The following KCNH1 variants were observed in gnomAD, a reference collection of about 807,000 sequenced individuals.
KCNH1 encodes voltage-gated delayed rectifier potassium channel KCNH1.
KCNH1 carries 27 observed loss-of-function variants against 69.2 expected under a neutral mutation model. The observed-to-expected ratio is 0.39, with a 90% confidence interval of 0.29 to 0.54. The LOEUF is 0.54. Ranked by LOEUF, KCNH1 falls within the 20% of genes least tolerant of loss-of-function variation. The pLI, the probability that KCNH1 is intolerant of heterozygous loss-of-function variation, is 0.68. For synonymous variants in KCNH1, 456 were observed against 487.7 expected, an observed-to-expected ratio of 0.93 and a Z score of 0.86; for missense variants, 798 against 1,261.6, an observed-to-expected ratio of 0.63 and a Z score of 5.57.
At chr1:211,036,559 G>A (rs913932089) in intron 5 of KCNH1, among the ~76,000 whole-genome samples, 1 of 152,154 alleles carries the variant, frequency 6.6e-6, no homozygotes, top group Non-Finnish European at 1.5e-5. Flanking sequence ...TCCTCCAAAG[G>A]GAAGGAATCT....
intron 10 of KCNH1, among the ~76,000 whole-genome samples, chr1:210,751,477 C>T (rs1012818261): frequency 6.6e-6 from 1 of 152,116 alleles, no homozygotes; most frequent in African/African-American, 2.4e-5. Flanking sequence ...AGTAGGGCAA[C>T]CAATGATCCC....
chr1:211,023,411 C>T (rs557837176), intron 5 of KCNH1, among the ~76,000 whole-genome samples: 200 of 151,486 alleles, frequency 1.3e-3, no homozygotes, highest in African/African-American at 4.6e-3. Context: ...TGTCCATTGA[C>T]AGATGAATGG....
At chr1:210,761,458 T>TA (rs1357314797) in intron 10 of KCNH1, among the ~76,000 whole-genome samples, 1 of 151,774 alleles carries the variant, frequency 6.6e-6, no homozygotes, top group African/African-American at 2.4e-5. Flanking sequence ...CAAATTGGAT[T>TA]AAAAAAACAA....
At chr1:210,868,229 C>A (rs1306545609) in intron 7 of KCNH1, among the ~76,000 whole-genome samples, 2 of 151,930 alleles carry the variant, frequency 1.3e-5, no homozygotes, top group Non-Finnish European at 2.9e-5. Context: ...TTTCATGTGC[C>A]TTTGGCCATT....
intron 1 of KCNH1, among the ~76,000 whole-genome samples, chr1:211,116,100 C>A (rs1022242497): frequency 1.3e-4 from 20 of 152,012 alleles, no homozygotes; most frequent in African/African-American, 4.8e-4. Flanking sequence ...CATGCCACTG[C>A]AATCCAGCCT....
intron 10 of KCNH1, among the ~76,000 whole-genome samples, chr1:210,764,317 T>C (rs1448124832): frequency 6.6e-6 from 1 of 152,126 alleles, no homozygotes; most frequent in East Asian, 1.9e-4. Flanking sequence ...AGGCAAATAA[T>C]TTATGCTAAG....
At chr1:210,803,049 C>T (rs1366443310) in intron 8 of KCNH1, among the ~76,000 whole-genome samples, 1 of 152,148 alleles carries the variant, frequency 6.6e-6, no homozygotes, top group Non-Finnish European at 1.5e-5. Context: ...TCACCTCCCC[C>T]AAGTTCTCAT....
chr1:210,718,485 C>T (rs1469706466), intron 10 of KCNH1, among the ~76,000 whole-genome samples: 1 of 51,930 alleles, frequency 1.9e-5, no homozygotes, highest in Admixed American at 2.9e-4. Context: ...AAAATATATA[C>T]ATATATGTAT....
chr1:210,785,780 C>T (rs1055609682), intron 9 of KCNH1, among the ~76,000 whole-genome samples: 4 of 152,090 alleles, frequency 2.6e-5, no homozygotes, highest in Admixed American at 1.3e-4. Flanking sequence ...ATGTGTAGAC[C>T]AGCCCTTTGC....
rs1238376404 is a variant in KCNH1, at chr1:210,683,414, T to C, written c.2837A>G (p.Asn946Ser). 4 of 1,614,092 alleles carry C rather than the reference T, an allele frequency of 2.5e-6. No homozygotes were observed. The South Asian group carries it at 3.3e-5, about 13-fold the overall frequency. The change falls in exon 11 of 11, where the codon AAT becomes AGT. Residue 946 changes from asparagine (N) to serine (S), a missense_variant. This residue lies in a region of KCNH1 where 331 missense variants were observed against 363.2 expected (regional missense o/e 0.91). Transcript: ENST00000271751. This position sits in a 1 kb window ranked among gnomAD's most constrained non-coding sequence, Gnocchi z 5.7. ...DIKALNAKMT[N>S]IEKQLSEILR... ...TATCTCAGAGAGCTGTTTCTCAATA[T>C]TGGTCATTTTGGCGTTTAAGGCCTT...
intron 10 of KCNH1, among the ~76,000 whole-genome samples, chr1:210,690,954 T>G (rs1242434860): frequency 1.3e-5 from 2 of 151,908 alleles, no homozygotes; most frequent in African/African-American, 4.8e-5. Context: ...GCCTGTGGAG[T>G]CAGCATGGGG....
At chr1:211,108,065 T>C (rs1266356208) in intron 1 of KCNH1, among the ~76,000 whole-genome samples, 2 of 152,190 alleles carry the variant, frequency 1.3e-5, no homozygotes, top group Non-Finnish European at 2.9e-5. Context: ...ATTTTGGGGC[T>C]CTGTCACAGA....
At chr1:210,843,436 G>A (rs988960478) in intron 7 of KCNH1, among the ~76,000 whole-genome samples, 1 of 152,158 alleles carries the variant, frequency 6.6e-6, no homozygotes, top group African/African-American at 2.4e-5. Context: ...ACAAATGTTT[G>A]CACTCTCCCA....
chr1:210,683,336 T>TCAAA lies in KCNH1; in HGVS notation c.2911_2914dup (p.Glu972ValfsTer2). The TCAAA allele has an allele frequency of 6.2e-7, 1 of 1,614,134 alleles. No homozygotes were observed. The highest frequency in any genetic ancestry group is 8.5e-7 in the Non-Finnish European group (1 of 1,180,030). On this transcript the variant is annotated stop_gained and frameshift_variant, in exon 11 of 11. Coordinates refer to ENST00000271751, the MANE Select transcript of KCNH1 (RefSeq NM_172362.3). LOFTEE classifies it high-confidence loss of function. The surrounding 1 kb of genome is among the most constrained non-coding windows in gnomAD (Gnocchi z 5.7). ...TTCTGGGGACTGTGGCCTCGATATTTCAAACAACTCCTGAGGAGACTGAGA... is the reference window on the plus strand; with the variant it reads ...TTCTGGGGACTGTGGCCTCGATATTTCAAACAAACAACTCCTGAGGAGACTGAGA...
intron 5 of KCNH1, among the ~76,000 whole-genome samples, chr1:211,079,918 T>A (rs1398775872): frequency 1.3e-5 from 2 of 152,216 alleles, no homozygotes; most frequent in Admixed American, 6.5e-5. Context: ...AAGACAGAGA[T>A]GCCCTCTCTC....
At chr1:210,991,655 C>G (rs1283219810) in intron 6 of KCNH1, among the ~76,000 whole-genome samples, 1 of 150,784 alleles carries the variant, frequency 6.6e-6, no homozygotes, top group Non-Finnish European at 1.5e-5. Flanking sequence ...CACATACACA[C>G]CAGAAAAAAA....
chr1:210,890,491 C>G (rs1011382164), intron 7 of KCNH1, among the ~76,000 whole-genome samples: 3 of 152,082 alleles, frequency 2.0e-5, no homozygotes, highest in Non-Finnish European at 2.9e-5. Context: ...TGGGCAAACA[C>G]TTCATGACTA....
intron 7 of KCNH1, among the ~76,000 whole-genome samples, chr1:210,832,111 A>G (rs1185489699): frequency 6.6e-6 from 1 of 152,136 alleles, no homozygotes; most frequent in African/African-American, 2.4e-5. Context: ...CTTGCTTTTA[A>G]ATAGTTTCTC....
In KCNH1 at chr1:210,864,325, G is replaced by T. The variant is rs1017618894; in HGVS notation, c.1462+55315C>A. On this transcript the variant is annotated intron_variant, in intron 7 of 10. Coordinates refer to ENST00000271751, the MANE Select transcript of KCNH1 (RefSeq NM_172362.3). Reference sequence around the variant, plus strand: ...GAGGAGCAGCTTAGGAGAGACTAAGGCATTGCAGGACTGAGGTCCACTATG... The same window carrying T: ...GAGGAGCAGCTTAGGAGAGACTAAGTCATTGCAGGACTGAGGTCCACTATG... Among the ~76,000 whole-genome samples, 2 of 152,158 alleles carry T rather than the reference G, an allele frequency of 1.3e-5. 1 individual carries two copies. The highest frequency in any genetic ancestry group is 3.9e-4 in the East Asian group (2 of 5,182).
Sources: gnomAD v4.1 joint callset for allele counts (sites outside exome capture counted in the v4.1 genomes callset) on GRCh38, gnomAD v4.1.1 for gene constraint, gnomAD v4.1.1 regional missense constraint, Gnocchi (gnomAD v3.1) non-coding constraint, MANE v1.5 for transcripts, NCBI Gene and HGNC (gene_info 2026-07-23, HGNC 2026-07-21) for gene names.